Variants in RYR3 observed in about 807,000 individuals in gnomAD.
RYR3 encodes brain ryanodine receptor-calcium release channel.
RYR3 carries 207 observed loss-of-function variants against 584.3 expected under a neutral mutation model. The observed-to-expected ratio is 0.35, with a 90% CI of 0.32 to 0.40. The LOEUF (loss-of-function observed/expected upper bound fraction) is 0.40. Among genes scored for constraint, RYR3 ranks in the 10% least tolerant of loss-of-function variants. The probability of loss-of-function intolerance (pLI) is 1.00; values close to 1 mark genes in which losing one functional copy is unlikely to be tolerated. For synonymous variants in RYR3, 2,416 were observed against 2,248.5 expected, an observed-to-expected ratio of 1.07 and a Z score of -2.11; for missense variants, 5,616 against 6,089.2, an observed-to-expected ratio of 0.92 and a Z score of 2.59.
intron 65 of RYR3, among the ~76,000 whole-genome samples, chr15:33,784,160 T>G (rs2074561674): frequency 6.6e-6 from 1 of 152,226 alleles, no homozygotes. Flanking sequence ...TAGAATCACT[T>G]GTCTCAGCTG....
chr15:33,785,729 G>A lies in RYR3; in HGVS notation c.9336G>A (p.Lys3112=). Residue 3112 remains lysine (K), a synonymous_variant, in exon 66 of 104, where the codon AAG becomes AAA. Coordinates refer to ENST00000634891, the MANE Select transcript of RYR3 (RefSeq NM_001036.6). ...TCCCCCAGCTGGAAGGCCTGATGAA[G>A]GAAATCAACGACCTGGCCGAGTCAG... ...PDIPQLEGLM[K]EINDLAESGA... The A allele has an allele frequency of 1.2e-6, 2 of 1,613,864 alleles. No homozygotes were observed. Among genetic ancestry groups the A allele is most frequent in the Non-Finnish European group, 1.7e-6 (2 of 1,179,800 alleles).
chr15:33,316,219 C>A (rs948769368), intron 1 of RYR3, among the ~76,000 whole-genome samples: 2 of 152,076 alleles, frequency 1.3e-5, no homozygotes, highest in Non-Finnish European at 2.9e-5. Flanking sequence ...GCTATCTGTG[C>A]TTATTTGCCT....
At chr15:33,841,012 C>G (rs2152983958) in intron 90 of RYR3, 129 bp downstream of exon 90, 2 of 783,368 alleles carry the variant, frequency 2.6e-6, no homozygotes, top group East Asian at 2.7e-5. Context: ...GAACCCAGGA[C>G]TTCGAGACCA....
At chr15:33,802,773 C>T (rs2075987313) in intron 69 of RYR3, among the ~76,000 whole-genome samples, 1 of 152,224 alleles carries the variant, frequency 6.6e-6, no homozygotes, top group Admixed American at 6.5e-5. Context: ...AAATGTGCCT[C>T]AGTGAGGGTT....
chr15:33,780,377 C>T lies in RYR3; in HGVS notation c.9268+36C>T, dbSNP rs867716859. Reference sequence around the variant, plus strand: ...CCCCTCAAAGGTCATCAACCCATTTCATGTGCTGAGAGGAGAGGAGCCACA... The same window carrying T: ...CCCCTCAAAGGTCATCAACCCATTTTATGTGCTGAGAGGAGAGGAGCCACA... On this transcript the variant is annotated intron_variant, in intron 65 of 103. Transcript: ENST00000634891. The T allele has an allele frequency of 2.5e-6, 4 of 1,608,116 alleles. No individual in the cohort carries two copies. The Admixed American group carries it at 6.7e-5, about 27-fold the overall frequency.
rs185954139 is a variant in RYR3 at position 33,832,808 on chromosome 15, G to C, written c.11463+1717G>C. ...GTGGATCACCTGAGGTCAGAAGTTC[G>C]AGAGCAGCCTGGCTAACATGGTGAA... On this transcript the variant is annotated intron_variant, in intron 86 of 103. Coordinates refer to ENST00000634891, the MANE Select transcript of RYR3 (RefSeq NM_001036.6). Among the ~76,000 whole-genome samples, 412 of 151,702 alleles carry C rather than the reference G, an allele frequency of 2.7e-3. 3 individuals are homozygous for C. Among genetic ancestry groups the C allele is most frequent in the Non-Finnish European group, 3.5e-3 (241 of 67,906 alleles).
intron 15 of RYR3, 101 bp from the exon 16 acceptor site, chr15:33,585,897 C>A: frequency 1.5e-6 from 1 of 682,754 alleles, no homozygotes. Context: ...TGACGATATC[C>A]TGTCCCCTCA....
intron 1 of RYR3, among the ~76,000 whole-genome samples, chr15:33,325,038 T>A (rs1374857209): frequency 6.6e-6 from 1 of 152,220 alleles, no homozygotes; most frequent in Non-Finnish European, 1.5e-5. Context: ...AAAATAGATA[T>A]AGGACAATTC....
intron 87 of RYR3, among the ~76,000 whole-genome samples, chr15:33,836,233 A>C (rs1338641843): frequency 7.0e-6 from 1 of 143,696 alleles, no homozygotes; most frequent in Non-Finnish European, 1.5e-5. Context: ...TGTGACTCGG[A>C]ATACCTTTTT....
chr15:33,684,954 A>G (rs563244420), intron 38 of RYR3, among the ~76,000 whole-genome samples: 1 of 152,196 alleles, frequency 6.6e-6, no homozygotes, highest in Non-Finnish European at 1.5e-5. Context: ...AGCACTAAAC[A>G]TGGAAAGGAA....
intron 38 of RYR3, among the ~76,000 whole-genome samples, chr15:33,675,027 G>A (rs1363556196): frequency 4.6e-5 from 7 of 152,192 alleles, no homozygotes; most frequent in Non-Finnish European, 7.3e-5. Context: ...CCCAGGAGGC[G>A]GAGCTTGCAG....
In RYR3 at chr15:33,861,458, C is replaced by A. The variant is rs74244058; in HGVS notation, c.14465+280C>A. Among the ~76,000 whole-genome samples the A allele has an allele frequency of 5.4e-4, 82 of 150,776 alleles. No individual in the cohort carries two copies. The East Asian group carries it at 0.014, about 25-fold the overall frequency. ...CAATTTCTCTTTCTCTACTGGACTT[C>A]TTCTATCACCATATAAATATGCTTT... On this transcript the variant is annotated intron_variant, in intron 102 of 103. Coordinates refer to ENST00000634891, the MANE Select transcript of RYR3 (RefSeq NM_001036.6).
Position 33,400,406 on chromosome 15 carries a change from C to T in RYR3, c.52-73013C>T, listed in dbSNP as rs141218196. Among the ~76,000 whole-genome samples the T allele has an allele frequency of 6.7e-3, 1,020 of 152,302 alleles. 19 individuals carry two copies. The highest frequency in any genetic ancestry group is 0.024 in the African/African-American group (989 of 41,562). ...CACACTATAGGCTGCTGTTTTGTAA[C>T]TTTTCCTTTAAAGCCCGTTCCTACT... On this transcript the variant is annotated intron_variant, in intron 1 of 103. Coordinates refer to ENST00000634891, the MANE Select transcript of RYR3 (RefSeq NM_001036.6).
intron 16 of RYR3, among the ~76,000 whole-genome samples, chr15:33,600,459 C>T (rs1379005133): frequency 2.0e-5 from 3 of 151,964 alleles, no homozygotes; most frequent in Non-Finnish European, 2.9e-5. Flanking sequence ...GCACAGTTCG[C>T]TTTGCCATGA....
intron 88 of RYR3, 112 bp downstream of exon 88, chr15:33,837,099 T>C: frequency 2.3e-6 from 2 of 877,818 alleles, no homozygotes; most frequent in South Asian, 1.9e-5. Flanking sequence ...CATATGACAT[T>C]GGTCAGAAAG....
intron 60 of RYR3, among the ~76,000 whole-genome samples, chr15:33,761,404 A>C (rs1249005144): frequency 1.3e-5 from 2 of 152,230 alleles, no homozygotes; most frequent in African/African-American, 4.8e-5. Context: ...ACAATAAAAA[A>C]TGATAAAGGG....
chr15:33,699,240 CTCTCTCTCTCTCTCCCCCCCTT>C (rs1303912579), intron 40 of RYR3, among the ~76,000 whole-genome samples: 2 of 73,470 alleles, frequency 2.7e-5, no homozygotes, highest in Non-Finnish European at 6.3e-5. Context: ...CTGTCTGTCT[CTCTCTCTCTCTCTCCCCCCCTT>C]TCTCTCTCTC....
At chr15:33,388,412 T>C (rs2041773839) in intron 1 of RYR3, among the ~76,000 whole-genome samples, 1 of 152,102 alleles carries the variant, frequency 6.6e-6, no homozygotes, top group African/African-American at 2.4e-5. Context: ...ACAGCTGAAT[T>C]TTACTGACAA....
chr15:33,395,948 A>G (rs975211599), intron 1 of RYR3, among the ~76,000 whole-genome samples: 1 of 152,204 alleles, frequency 6.6e-6, no homozygotes, highest in East Asian at 1.9e-4. Context: ...AACCAACTGC[A>G]GATGGAAACC....
Sources: gnomAD v4.1 joint callset for allele counts (sites outside exome capture counted in the v4.1 genomes callset) on GRCh38, gnomAD v4.1.1 for gene constraint, MANE v1.5 for transcripts, NCBI Gene and HGNC (gene_info 2026-07-23, HGNC 2026-07-21) for gene names.